ZNF804B: variants seen among roughly 807,000 people sequenced by gnomAD.
The protein encoded by ZNF804B is zinc finger 804B.
ZNF804B carries 80 observed loss-of-function variants against 101.4 expected under a neutral mutation model. The ratio of observed to expected loss-of-function variants is 0.79; its 90% CI spans 0.66 to 0.95. ZNF804B has a LOEUF of 0.95. ZNF804B is among the 40% of genes least tolerant of loss of function. ZNF804B has a pLI of 0.00. For missense variants in ZNF804B, 1,673 were observed against 1,561.9 expected (o/e 1.07, Z -1.20); for synonymous variants, 622 against 558.8 (o/e 1.11, Z -1.59).
chr7:88,773,959 G>T (rs1790106741), intron 1 of ZNF804B, among the ~76,000 whole-genome samples: 1 of 152,034 alleles, frequency 6.6e-6, no homozygotes, highest in South Asian at 2.1e-4. Context: ...TTCAACATGA[G>T]ATTTGGGTGG....
chr7:88,825,455 C>T lies in ZNF804B; in HGVS notation c.108+65371C>T, dbSNP rs1037084143. ...ATCAGACACTCTGAGACCCCAGCAG[C>T]ACTCTCAGATTGCAGCCTGCATGCT... On this transcript the variant is annotated intron_variant, in intron 1 of 3. Coordinates refer to ENST00000333190, the MANE Select transcript of ZNF804B (RefSeq NM_181646.5). Among the ~76,000 whole-genome samples the T allele has an allele frequency of 4.6e-5, 7 of 152,172 alleles. No individual in the cohort carries two copies. In the South Asian group the frequency reaches 8.3e-4, roughly 18 times the overall value.
rs1050557057 is a variant in ZNF804B, at chr7:88,775,010, G to C, written c.108+14926G>C. Among the ~76,000 whole-genome samples, 96 of 152,204 alleles carry C rather than the reference G, an allele frequency of 6.3e-4. 1 individual carries two copies. Among genetic ancestry groups the C allele is most frequent in the African/African-American group, 2.2e-3 (90 of 41,450 alleles). Reference sequence around the variant, plus strand: ...GGGTCCTTACTACATACTGGGTACTGTTACAGGTACCGGTGATAGTGAAGT... The same window carrying C: ...GGGTCCTTACTACATACTGGGTACTCTTACAGGTACCGGTGATAGTGAAGT... On this transcript the variant is annotated intron_variant, in intron 1 of 3. Coordinates refer to ENST00000333190, the MANE Select transcript of ZNF804B (RefSeq NM_181646.5).
chr7:88,828,462 C>T (rs1791080593), intron 1 of ZNF804B, among the ~76,000 whole-genome samples: 1 of 151,954 alleles, frequency 6.6e-6, no homozygotes, highest in Non-Finnish European at 1.5e-5. Flanking sequence ...GTTTCCTCTG[C>T]CTGGGATCCT....
At chr7:88,883,637 C>G (rs1280731266) in intron 1 of ZNF804B, among the ~76,000 whole-genome samples, 1 of 152,080 alleles carries the variant, frequency 6.6e-6, no homozygotes, top group Non-Finnish European at 1.5e-5. Context: ...AGACACAAAT[C>G]AAATCATATG....
chr7:89,014,943 A>G (rs547363290), intron 1 of ZNF804B, among the ~76,000 whole-genome samples: 1 of 152,226 alleles, frequency 6.6e-6, no homozygotes, highest in East Asian at 1.9e-4. Flanking sequence ...GTTCTGAAGC[A>G]TTTCCCCTAT....
intron 1 of ZNF804B, among the ~76,000 whole-genome samples, chr7:89,154,034 A>G (rs923039167): frequency 7.0e-6 from 1 of 142,488 alleles, no homozygotes; most frequent in Non-Finnish European, 1.6e-5. Context: ...ACAAATCCAT[A>G]GGAAAAAATC....
At chr7:89,044,180 T>C (rs2116253531) in intron 1 of ZNF804B, among the ~76,000 whole-genome samples, 1 of 152,230 alleles carries the variant, frequency 6.6e-6, no homozygotes, top group South Asian at 2.1e-4. Flanking sequence ...TCTCATGAGA[T>C]CTGATGGTTT....
intron 1 of ZNF804B, among the ~76,000 whole-genome samples, chr7:89,078,639 G>A (rs575955846): frequency 3.1e-4 from 45 of 145,084 alleles, no homozygotes; most frequent in Non-Finnish European, 5.4e-4. Context: ...TGTCTAACAC[G>A]ATTTTTTTTT....
rs372706965 is a variant in ZNF804B, at chr7:88,957,410, A to G, written c.108+197326A>G. Among the ~76,000 whole-genome samples, 17 of 151,566 alleles carry G rather than the reference A, an allele frequency of 1.1e-4. No homozygotes were observed. In the South Asian group the frequency reaches 3.1e-3, roughly 28 times the overall value. On this transcript the variant is annotated intron_variant, in intron 1 of 3. Transcript: ENST00000333190. ...AATAAAGAGGCTAAAGTGAATTCAT[A>G]TTGGTAACCTCAAGCACAATTATAC...
chr7:89,020,662 C>T (rs1307595488), intron 1 of ZNF804B, among the ~76,000 whole-genome samples: 1 of 152,086 alleles, frequency 6.6e-6, no homozygotes, highest in African/African-American at 2.4e-5. Flanking sequence ...TATACCTTTT[C>T]ACTTATTTTC....
intron 2 of ZNF804B, among the ~76,000 whole-genome samples, chr7:89,246,113 T>G (rs888405971): frequency 3.3e-5 from 5 of 152,158 alleles, no homozygotes; most frequent in Non-Finnish European, 7.3e-5. Context: ...CATTTTAGTC[T>G]TGGGGCAGAG....
At position 89,220,088 on chromosome 7, in the gene ZNF804B, T is replaced by TACGCACAC. The variant is rs1788976173; in HGVS notation, c.249+1794_249+1795insCGCACACA. 4.0e-5 allele frequency among the ~76,000 whole-genome samples: 5 copies of TACGCACAC among 124,120 alleles called. 1 individual carries two copies. Among genetic ancestry groups the TACGCACAC allele is most frequent in the African/African-American group, 1.3e-4 (4 of 29,756 alleles). The allele number at this position is 124,120 out of a possible 152,430, so 81.4% of individuals were successfully genotyped here. ...GCACATATATGTGTATATACATATATATACGCACATATATATGTGTGTATA... is the reference window on the plus strand; with the variant it reads ...GCACATATATGTGTATATACATATATACGCACACATACGCACATATATATGTGTGTATA... On this transcript the variant is annotated intron_variant, in intron 2 of 3. Transcript: ENST00000333190.
chr7:88,964,074 T>C (rs1356968483), intron 1 of ZNF804B, among the ~76,000 whole-genome samples: 2 of 151,420 alleles, frequency 1.3e-5, no homozygotes, highest in Non-Finnish European at 3.0e-5. Context: ...ACTTGTGCAC[T>C]GTTGCTGGGA....
chr7:89,186,772 T>C (rs533583387), intron 1 of ZNF804B, among the ~76,000 whole-genome samples: 1 of 152,282 alleles, frequency 6.6e-6, no homozygotes, highest in Non-Finnish European at 1.5e-5. Flanking sequence ...TAAAAAGATG[T>C]TTAGAAAAAG....
chr7:88,918,771 G>T (rs962614482), intron 1 of ZNF804B, among the ~76,000 whole-genome samples: 10 of 152,032 alleles, frequency 6.6e-5, no homozygotes, highest in Non-Finnish European at 1.3e-4. Context: ...GGGATTGGGG[G>T]GTGAGGGGGA....
intron 1 of ZNF804B, among the ~76,000 whole-genome samples, chr7:88,776,201 G>T (rs1426559101): frequency 1.3e-5 from 2 of 152,202 alleles, no homozygotes; most frequent in East Asian, 3.8e-4. Context: ...GAAAGGAGCT[G>T]ATGATTACTT....
intron 1 of ZNF804B, among the ~76,000 whole-genome samples, chr7:88,876,327 A>C (rs542235599): frequency 6.6e-6 from 1 of 152,280 alleles, no homozygotes; most frequent in African/African-American, 2.4e-5. Context: ...TGAATTCTCT[A>C]ATAGGGATAT....
At chr7:88,876,394 T>TA (rs1791939447) in intron 1 of ZNF804B, among the ~76,000 whole-genome samples, 1 of 152,240 alleles carries the variant, frequency 6.6e-6, no homozygotes, top group East Asian at 1.9e-4. Flanking sequence ...TCTGTGAGTC[T>TA]AATGAGTCTA....
chr7:89,071,286 A>G (rs1284732742), intron 1 of ZNF804B, among the ~76,000 whole-genome samples: 2 of 152,156 alleles, frequency 1.3e-5, no homozygotes, highest in Non-Finnish European at 2.9e-5. Context: ...GACCGACTCA[A>G]TCAGGAAATT....
Sources: gnomAD v4.1 joint callset for allele counts (sites outside exome capture counted in the v4.1 genomes callset) on GRCh38, gnomAD v4.1.1 for gene constraint, MANE v1.5 for transcripts, NCBI Gene and HGNC (gene_info 2026-07-23, HGNC 2026-07-21) for gene names.